Variants in PKN2 observed in about 807,000 individuals in gnomAD.
PKN2 encodes protein kinase N2, also known as serine/threonine-protein kinase N2.
A neutral mutation model predicts 119.1 loss-of-function variants in PKN2; 38 were observed. That is an observed-to-expected ratio of 0.32 (90% CI 0.25 to 0.42). The LOEUF is 0.42. Among genes scored for constraint, PKN2 ranks in the 10% least tolerant of loss-of-function variants. The probability of loss-of-function intolerance (pLI) is 1.00; values close to 1 mark genes in which losing one functional copy is unlikely to be tolerated. For missense variants in PKN2, 850 were observed against 1,165.1 expected (o/e 0.73, Z 3.94); for synonymous variants, 390 against 384.9 (o/e 1.01, Z -0.15).
At chr1:88,735,213 C>T (rs1044458744) in intron 1 of PKN2, among the ~76,000 whole-genome samples, 1 of 152,118 alleles carries the variant, frequency 6.6e-6, no homozygotes, top group Admixed American at 6.6e-5. Context: ...GGCTAGAGGG[C>T]GGTGGTGCGA....
chr1:88,775,691 T>C (rs1421182831), intron 6 of PKN2, among the ~76,000 whole-genome samples: 1 of 152,232 alleles, frequency 6.6e-6, no homozygotes, highest in Non-Finnish European at 1.5e-5. Context: ...GCCCTTGTTA[T>C]ATTGTCACAA....
chr1:88,757,915 G>A (rs890507769), intron 2 of PKN2, among the ~76,000 whole-genome samples: 6 of 151,420 alleles, frequency 4.0e-5, no homozygotes, highest in Non-Finnish European at 7.4e-5. Flanking sequence ...GGTGGCAGGC[G>A]CCTGTAACAC....
chr1:88,796,323 T>C (rs11805878), intron 8 of PKN2, among the ~76,000 whole-genome samples: 1,889 of 152,266 alleles, frequency 0.012, 38 homozygotes, highest in African/African-American at 0.043. Context: ...ATACTCAGCC[T>C]GTACTGCCTG....
At chr1:88,818,900 G>C (rs1030033827) in intron 16 of PKN2, among the ~76,000 whole-genome samples, 1 of 151,750 alleles carries the variant, frequency 6.6e-6, no homozygotes, top group Non-Finnish European at 1.5e-5. Context: ...CTCATCTTTT[G>C]AGAAACCTGA....
At chr1:88,730,042 G>A (rs563970935) in intron 1 of PKN2, among the ~76,000 whole-genome samples, 9 of 152,180 alleles carry the variant, frequency 5.9e-5, no homozygotes, top group Admixed American at 5.2e-4. Flanking sequence ...GTGGGCGCCT[G>A]TAGTCCCAGC....
chr1:88,764,911 A>G (rs993086035), intron 3 of PKN2, among the ~76,000 whole-genome samples: 6 of 151,022 alleles, frequency 4.0e-5, no homozygotes, highest in Non-Finnish European at 5.9e-5. Context: ...TTTTGTTGTT[A>G]TTGTTGTTTT....
At chr1:88,686,421 A>G (rs1666102837) in intron 1 of PKN2, among the ~76,000 whole-genome samples, 1 of 152,136 alleles carries the variant, frequency 6.6e-6, no homozygotes, top group Non-Finnish European at 1.5e-5. Flanking sequence ...AATAAGATCA[A>G]TTTTGATAAT....
intron 15 of PKN2, 110 bp downstream of exon 15, chr1:88,807,885 A>C (rs761379441): frequency 1.6e-6 from 1 of 633,148 alleles, no homozygotes; most frequent in Non-Finnish European, 2.7e-6. Flanking sequence ...TATGTGAAGA[A>C]ATTAAATATA....
intron 18 of PKN2, among the ~76,000 whole-genome samples, chr1:88,827,678 C>T (rs1298214489): frequency 8.1e-6 from 1 of 123,818 alleles, no homozygotes; most frequent in Non-Finnish European, 1.6e-5. Flanking sequence ...CCTCCTCTCT[C>T]TCTCTCTATA....
intron 18 of PKN2, 48 bp downstream of exon 18, chr1:88,824,434 C>G (rs762214842): frequency 1.9e-6 from 2 of 1,029,456 alleles, no homozygotes; most frequent in Admixed American, 3.5e-5. Context: ...ATTACTGTTT[C>G]TTTGTGCATC....
chr1:88,822,870 T>C (rs1466279218), intron 17 of PKN2, among the ~76,000 whole-genome samples: 1 of 151,938 alleles, frequency 6.6e-6, no homozygotes, highest in Non-Finnish European at 1.5e-5. Context: ...TGAGCCACCG[T>C]GCCCAGCCGG....
rs11800810 is a variant in PKN2 at position 88,835,560 on chromosome 1, A to T, written c.*2112A>T. 10,179 of 152,368 alleles carry T rather than the reference A, an allele frequency of 0.067. 698 individuals are homozygous for T. Among genetic ancestry groups the T allele is most frequent in the African/African-American group, 0.18 (7,322 of 41,484 alleles). The allele number at this position is 152,368 out of a possible 1,614,324, so 9.4% of individuals were successfully genotyped here. A position where few individuals can be genotyped will look rare whatever the true frequency, so the allele number is the denominator to read the frequency against. ...GCACTAATTTTTTGTAGTTTAAAAT[A>T]TATATATATTTTAGTCAGATTTAAA... On this transcript the variant is annotated 3_prime_UTR_variant, in exon 22 of 22. Transcript: ENST00000370521.
chr1:88,817,916 AG>A (rs1672073651), intron 16 of PKN2, among the ~76,000 whole-genome samples: 2 of 152,206 alleles, frequency 1.3e-5, no homozygotes, highest in Non-Finnish European at 2.9e-5. Flanking sequence ...TAAAATAGGA[AG>A]AAAGGAAGTC....
chr1:88,777,020 C>T (rs529390477), intron 6 of PKN2, among the ~76,000 whole-genome samples: 1 of 152,036 alleles, frequency 6.6e-6, no homozygotes, highest in Non-Finnish European at 1.5e-5. Flanking sequence ...TCTTTCTTCT[C>T]CCTCTGAGAC....
chr1:88,711,232 T>C (rs1222620335), intron 1 of PKN2, among the ~76,000 whole-genome samples: 1 of 151,910 alleles, frequency 6.6e-6, no homozygotes, highest in East Asian at 1.9e-4. Flanking sequence ...ATCTGTACAA[T>C]AAACCGCCAT....
At chr1:88,818,421 G>A (rs1243314509) in intron 16 of PKN2, among the ~76,000 whole-genome samples, 2 of 152,176 alleles carry the variant, frequency 1.3e-5, no homozygotes, top group Non-Finnish European at 2.9e-5. Context: ...GTTGAGGCGG[G>A]TGGGTCATTT....
chr1:88,756,495 C>T (rs1456248998), intron 2 of PKN2, among the ~76,000 whole-genome samples: 2 of 152,166 alleles, frequency 1.3e-5, no homozygotes, highest in African/African-American at 4.8e-5. Context: ...ATTTATCCTT[C>T]TCATCCTAGG....
At chr1:88,688,147 G>C (rs1412975328) in intron 1 of PKN2, among the ~76,000 whole-genome samples, 1 of 151,636 alleles carries the variant, frequency 6.6e-6, no homozygotes, top group Non-Finnish European at 1.5e-5. Context: ...GTGCAGTGGT[G>C]TGATCTCTGC....
At chr1:88,765,881 C>T (rs1669650966) in intron 3 of PKN2, among the ~76,000 whole-genome samples, 1 of 152,090 alleles carries the variant, frequency 6.6e-6, no homozygotes, top group Non-Finnish European at 1.5e-5. Flanking sequence ...AATCTTGGCT[C>T]ACTCACTGCA....
Sources: allele counts gnomAD v4.1 joint callset (sites outside exome capture counted in the v4.1 genomes callset), GRCh38; gene constraint gnomAD v4.1.1; transcripts MANE v1.5; gene names NCBI Gene and HGNC (gene_info 2026-07-23, HGNC 2026-07-21).